The following TENM1 variants were observed in gnomAD, a reference collection of about 807,000 sequenced individuals.
The protein encoded by TENM1 is teneurin-1.
TENM1 carries 35 observed loss-of-function variants against 174.8 expected under a neutral mutation model. The ratio of observed to expected loss-of-function variants is 0.20; its 90% confidence interval spans 0.15 to 0.27. The LOEUF (loss-of-function observed/expected upper bound fraction) is 0.27, where lower values mean the gene tolerates loss of function less well. Ranked by LOEUF, TENM1 falls within the 10% of genes least tolerant of loss-of-function variation. The pLI is 1.00. For missense variants in TENM1, 1,633 were observed against 2,130.1 expected (o/e 0.77, Z 4.59); for synonymous variants, 781 against 798.7 (o/e 0.98, Z 0.37).
chrX:124,888,965 A>G (rs193159422), intron 3 of TENM1, among the ~76,000 whole-genome samples: 14 of 112,482 alleles, frequency 1.2e-4, no homozygotes, highest in Non-Finnish European at 1.9e-5. Flanking sequence ...TCTGTCTTAC[A>G]TCGTGGTTAT....
chrX:124,718,529 C>T (rs749648214), intron 4 of TENM1, among the ~76,000 whole-genome samples: 30 of 112,119 alleles, frequency 2.7e-4, no homozygotes, highest in Non-Finnish European at 5.3e-4. Flanking sequence ...CAGGATATGA[C>T]AAGTTAATTG....
intron 11 of TENM1, among the ~76,000 whole-genome samples, chrX:124,571,527 T>C (rs1025129928): frequency 2.7e-5 from 3 of 109,573 alleles, no homozygotes; most frequent in Non-Finnish European, 5.7e-5. Context: ...ACAGAGAAGA[T>C]CAACAAAATC....
At chrX:125,011,574 A>G in the TENM1 span, among the ~76,000 whole-genome samples, 1 of 112,245 alleles carries the variant, frequency 8.9e-6, no homozygotes, top group Non-Finnish European at 1.9e-5. Context: ...CCAACAACAG[A>G]CATATGAAAA....
At chrX:124,464,990 A>C (rs1436625370) in intron 22 of TENM1, among the ~76,000 whole-genome samples, 1 of 111,687 alleles carries the variant, frequency 9.0e-6, no homozygotes, top group Non-Finnish European at 1.9e-5. Context: ...AAATATCCAG[A>C]CAAGTTCATC....
chrX:124,397,296 G>A (rs1223153195), intron 27 of TENM1, among the ~76,000 whole-genome samples: 1 of 112,087 alleles, frequency 8.9e-6, no homozygotes, highest in Non-Finnish European at 1.9e-5. Context: ...ATTGTACTAC[G>A]TTGATCTAAA....
At chrX:124,405,005 A>T in intron 27 of TENM1, 26 bp downstream of exon 30, 2 of 1,164,988 alleles carry the variant, frequency 1.7e-6, no homozygotes, top group East Asian at 3.0e-5. Flanking sequence ...TAAAAGTTCT[A>T]TATCTTGTGT....
chrX:124,755,950 T>C (rs2148591942), intron 3 of TENM1, among the ~76,000 whole-genome samples: 1 of 101,718 alleles, frequency 9.8e-6, no homozygotes, highest in South Asian at 4.4e-4. Context: ...CTTTGGTGAA[T>C]CTGACGATTA....
At chrX:125,123,641 G>A in the TENM1 span, among the ~76,000 whole-genome samples, 3 of 110,335 alleles carry the variant, frequency 2.7e-5, no homozygotes, top group African/African-American at 9.9e-5. Context: ...TGAATGTGTG[G>A]GTGCAAATAA....
intron 6 of TENM1, among the ~76,000 whole-genome samples, chrX:124,666,824 G>A (rs1004629591): frequency 9.0e-6 from 1 of 111,353 alleles, no homozygotes; most frequent in Non-Finnish European, 1.9e-5. Context: ...ATTGCAACAC[G>A]ATCCCACCAG....
At chrX:125,149,576 T>C in the TENM1 span, among the ~76,000 whole-genome samples, 1 of 112,049 alleles carries the variant, frequency 8.9e-6, no homozygotes, top group Non-Finnish European at 1.9e-5. Context: ...TTAAGGAAAA[T>C]AATTCCATCC....
At chrX:124,789,742 G>T (rs5956692) in intron 3 of TENM1, among the ~76,000 whole-genome samples, 7,586 of 111,315 alleles carry the variant, frequency 0.068, 467 homozygotes, top group African/African-American at 0.19. Flanking sequence ...AGCATTTTGG[G>T]GAAAGCCAGT....
At chrX:125,052,050 T>C in the TENM1 span, among the ~76,000 whole-genome samples, 1 of 111,821 alleles carries the variant, frequency 8.9e-6, no homozygotes, top group African/African-American at 3.3e-5. Flanking sequence ...GAACAGACAC[T>C]TCTCGAAAGA....
intron 3 of TENM1, among the ~76,000 whole-genome samples, chrX:124,876,171 G>A (rs1361878061): frequency 1.8e-5 from 2 of 110,725 alleles, no homozygotes; most frequent in Non-Finnish European, 3.8e-5. Context: ...GTTATGGAGC[G>A]GTTATGAATA....
chrX:124,462,081 C>T (rs1223861809), intron 22 of TENM1, among the ~76,000 whole-genome samples: 2 of 110,336 alleles, frequency 1.8e-5, no homozygotes, highest in Admixed American at 1.9e-4. Flanking sequence ...CATCCCGTTT[C>T]TCTTTCTTTC....
intron 23 of TENM1, among the ~76,000 whole-genome samples, chrX:124,448,734 G>T (rs1184000435): frequency 8.9e-6 from 1 of 111,939 alleles, no homozygotes; most frequent in Non-Finnish European, 1.9e-5. Context: ...ACAGTCTACT[G>T]TGGGAGACGG....
At chrX:124,601,645 G>A (rs774052456) in intron 11 of TENM1, among the ~76,000 whole-genome samples, 2 of 110,800 alleles carry the variant, frequency 1.8e-5, no homozygotes, top group Non-Finnish European at 3.8e-5. Flanking sequence ...AGGCACTTTT[G>A]ACATCCCAAG....
exon 32 of TENM1, chrX:124,381,147 C>G: frequency 8.3e-7 from 1 of 1,211,102 alleles, no homozygotes; most frequent in Non-Finnish European, 1.1e-6. Flanking sequence ...ATACCTTTCC[C>G]AAAAACAGAA....
At chrX:124,448,793 T>C (rs1454244227) in intron 23 of TENM1, among the ~76,000 whole-genome samples, 1 of 111,661 alleles carries the variant, frequency 9.0e-6, no homozygotes, top group African/African-American at 3.3e-5. Context: ...TTAAGCATGG[T>C]GATACTAAAT....
chrX:125,097,111 C>T, the TENM1 span, among the ~76,000 whole-genome samples: 1 of 111,312 alleles, frequency 9.0e-6, no homozygotes, highest in African/African-American at 3.3e-5. Flanking sequence ...CAACCACCAC[C>T]ACCCTACCCT....
Sources: gnomAD v4.1 joint callset for allele counts (sites outside exome capture counted in the v4.1 genomes callset) on GRCh38, gnomAD v4.1.1 for gene constraint, MANE v1.5 for transcripts, NCBI Gene and HGNC (gene_info 2026-07-23, HGNC 2026-07-21) for gene names.